The following KCNQ5 variants were observed in gnomAD, a reference collection of about 807,000 sequenced individuals.
KCNQ5 encodes the protein potassium voltage-gated channel subfamily KQT member 5.
In KCNQ5, 30 loss-of-function variants were observed where a neutral mutation model predicts 98.2. The ratio of observed to expected loss-of-function variants is 0.31; its 90% CI spans 0.23 to 0.41. KCNQ5 has a LOEUF of 0.41. KCNQ5 is among the 10% of genes least tolerant of loss of function. The pLI, the probability that KCNQ5 is intolerant of heterozygous loss-of-function variation, is 1.00. For missense variants in KCNQ5, 835 were observed against 1,182.5 expected (o/e 0.71, Z 4.31); for synonymous variants, 458 against 449.4 (o/e 1.02, Z -0.24).
chr6:73,052,650 A>G (rs1772297384), intron 3 of KCNQ5, among the ~76,000 whole-genome samples: 1 of 152,208 alleles, frequency 6.6e-6, no homozygotes, highest in African/African-American at 2.4e-5. Flanking sequence ...AGCTTCATAA[A>G]TGAAGGAGAA....
chr6:72,878,428 T>C (rs201105866), intron 1 of KCNQ5, among the ~76,000 whole-genome samples: 3 of 146,762 alleles, frequency 2.0e-5, no homozygotes, highest in Non-Finnish European at 1.5e-5. Context: ...AGGCTTTTTT[T>C]CCCCCCTTAC....
At chr6:72,913,715 T>C (rs2150208560) in intron 1 of KCNQ5, among the ~76,000 whole-genome samples, 1 of 152,372 alleles carries the variant, frequency 6.6e-6, no homozygotes, top group South Asian at 2.1e-4. Context: ...CTTCCCATCT[T>C]AGAGTCACGG....
At chr6:73,058,717 C>CA (rs1327368027) in intron 3 of KCNQ5, among the ~76,000 whole-genome samples, 4 of 151,704 alleles carry the variant, frequency 2.6e-5, no homozygotes, top group Non-Finnish European at 5.9e-5. Context: ...AATTTATAAG[C>CA]AAAAAAACAA....
At chr6:73,134,136 C>T (rs1776361441) in intron 10 of KCNQ5, 3 of 323,698 alleles carry the variant, frequency 9.3e-6, no homozygotes, top group African/African-American at 6.4e-5. Context: ...TGCTTATCTT[C>T]CTTAGAGAGG....
At chr6:72,623,743 T>C (rs2098916735) in intron 1 of KCNQ5, among the ~76,000 whole-genome samples, 1 of 152,156 alleles carries the variant, frequency 6.6e-6, no homozygotes, top group African/African-American at 2.4e-5. Context: ...AGAAGACCAG[T>C]AGAGAAAGTT....
intron 1 of KCNQ5, among the ~76,000 whole-genome samples, chr6:72,749,302 T>C (rs1771561932): frequency 6.6e-6 from 1 of 152,100 alleles, no homozygotes; most frequent in African/African-American, 2.4e-5. Context: ...TGATTTTTGG[T>C]TTATATTTTA....
chr6:73,002,928 G>A (rs1255695458), intron 1 of KCNQ5, among the ~76,000 whole-genome samples: 2 of 152,260 alleles, frequency 1.3e-5, no homozygotes, highest in East Asian at 3.9e-4. Flanking sequence ...TTCAGGGGAA[G>A]CAAGGAGGAG....
intron 2 of KCNQ5, among the ~76,000 whole-genome samples, chr6:73,021,749 T>C (rs1455870304): frequency 2.6e-5 from 4 of 152,226 alleles, no homozygotes; most frequent in Non-Finnish European, 5.9e-5. Context: ...AATACTCTGG[T>C]TTCAATTAAT....
chr6:72,658,578 A>T (rs546305386), intron 1 of KCNQ5, among the ~76,000 whole-genome samples: 4,743 of 76,444 alleles, frequency 0.062, 308 homozygotes, highest in Non-Finnish European at 0.11. Context: ...ATATATATAT[A>T]TTTTTTTTTT....
At chr6:73,048,372 G>A (rs1443750508) in intron 3 of KCNQ5, among the ~76,000 whole-genome samples, 2 of 152,162 alleles carry the variant, frequency 1.3e-5, no homozygotes, top group East Asian at 3.8e-4. Context: ...GGAGACATAA[G>A]GTCTCGTGGC....
intron 1 of KCNQ5, among the ~76,000 whole-genome samples, chr6:72,853,180 A>G (rs1401985304): frequency 3.9e-5 from 6 of 152,182 alleles, no homozygotes; most frequent in African/African-American, 7.2e-5. Context: ...AGTACATCTT[A>G]TGTCCCCTTC....
In KCNQ5 at chr6:73,018,938, G is replaced by C. The variant is rs1015158466; in HGVS notation, c.489+14940G>C. Among the ~76,000 whole-genome samples the C allele has an allele frequency of 2.6e-5, 4 of 152,186 alleles. No homozygotes were observed. The South Asian group carries it at 8.3e-4, about 32-fold the overall frequency. ...TCTACCTTCTTTATTTTGGATACTC[G>C]CTCTTCCTTGGAAGTTACTTAGACA... On this transcript the variant is annotated intron_variant, in intron 2 of 13. Coordinates refer to ENST00000370398, the MANE Select transcript of KCNQ5 (RefSeq NM_019842.4).
intron 1 of KCNQ5, among the ~76,000 whole-genome samples, chr6:72,784,002 C>A (rs1279892997): frequency 6.6e-6 from 1 of 152,124 alleles, no homozygotes; most frequent in Non-Finnish European, 1.5e-5. Flanking sequence ...TCTCTAATAC[C>A]CAAGGGCTTA....
At chr6:72,776,769 T>G (rs954877985) in intron 1 of KCNQ5, among the ~76,000 whole-genome samples, 5 of 152,072 alleles carry the variant, frequency 3.3e-5, no homozygotes, top group Non-Finnish European at 5.9e-5. Flanking sequence ...GATATAAAAA[T>G]TAGTGAGAAT....
At chr6:72,992,850 G>C (rs1233449547) in intron 1 of KCNQ5, among the ~76,000 whole-genome samples, 2 of 91,362 alleles carry the variant, frequency 2.2e-5, no homozygotes, top group Non-Finnish European at 4.0e-5. Context: ...TTTAGGGCAG[G>C]CCTGGTGGTG....
intron 3 of KCNQ5, among the ~76,000 whole-genome samples, chr6:73,064,509 T>C (rs1772962881): frequency 1.3e-5 from 2 of 152,166 alleles, no homozygotes; most frequent in South Asian, 4.1e-4. Context: ...GATTATTCAT[T>C]GGTGGAATCC....
At chr6:73,150,883 A>G (rs1271257955) in intron 10 of KCNQ5, among the ~76,000 whole-genome samples, 1 of 151,810 alleles carries the variant, frequency 6.6e-6, no homozygotes, top group Non-Finnish European at 1.5e-5. Flanking sequence ...TTGAAATTAT[A>G]GAAATGCATA....
intron 7 of KCNQ5, among the ~76,000 whole-genome samples, chr6:73,113,599 A>T (rs538715313): frequency 6.4e-4 from 98 of 152,406 alleles, no homozygotes; most frequent in Non-Finnish European, 1.1e-3. Flanking sequence ...AGAAATATAG[A>T]GAATAACTGC....
Position 72,672,067 on chromosome 6 carries a change from C to T in KCNQ5, c.398+49480C>T, listed in dbSNP as rs373443643. ...TTCTGACCTCATGATCCGCCCGCCT[C>T]GGCCTCCCAAAGTGCTGGGATTACA... On this transcript the variant is annotated intron_variant, in intron 1 of 13. Coordinates refer to ENST00000370398, the MANE Select transcript of KCNQ5 (RefSeq NM_019842.4). 2.8e-4 allele frequency among the ~76,000 whole-genome samples: 42 copies of T among 151,778 alleles called. No individual in the cohort carries two copies. In the East Asian group the frequency reaches 5.6e-3, roughly 20 times the overall value.
Sources: gnomAD v4.1 joint callset for allele counts (sites outside exome capture counted in the v4.1 genomes callset) on GRCh38, gnomAD v4.1.1 for gene constraint, MANE v1.5 for transcripts, NCBI Gene and HGNC (gene_info 2026-07-23, HGNC 2026-07-21) for gene names.